CCDC88A: variants seen among roughly 807,000 people sequenced by gnomAD.
The protein encoded by CCDC88A is girdin.
CCDC88A carries 54 observed loss-of-function variants against 234.3 expected under a neutral mutation model. The observed-to-expected ratio is 0.23, with a 90% CI of 0.19 to 0.29. The LOEUF is 0.29. Ranked by LOEUF, CCDC88A falls within the 10% of genes least tolerant of loss-of-function variation. The pLI is 1.00. For missense variants in CCDC88A, 1,832 were observed against 2,123.4 expected, an observed-to-expected ratio of 0.86 and a Z score of 2.70; for synonymous variants, 753 against 737.8, an observed-to-expected ratio of 1.02 and a Z score of -0.33.
Position 55,336,539 on chromosome 2 carries a change from A to G in CCDC88A, c.1656+142T>C, listed in dbSNP as rs561689151. 24 of 528,930 alleles carry G rather than the reference A, an allele frequency of 4.5e-5. No homozygotes were observed. The East Asian group carries it at 8.2e-4, about 18-fold the overall frequency. The allele number at this position is 528,930 out of a possible 1,614,324, so 32.8% of individuals were successfully genotyped here. A position where few individuals can be genotyped will look rare whatever the true frequency, so the allele number is the denominator to read the frequency against. On this transcript the variant is annotated intron_variant, in intron 14 of 32. Transcript: ENST00000436346. ...GACACATAGGTTAGAAAATGAGGTA[A>G]AATTATAATTACTTTAAAATAAAAA...
Position 55,301,092 on chromosome 2 carries a change from G to A in CCDC88A, c.4744+114C>T. ...ATGGTAGAGGTAACTATGAGATGCA[G>A]GATAGAGAAAACATGCTTGCTGGCA... is the stretch of plus-strand genomic sequence containing the variant. On this transcript the variant is annotated intron_variant, in intron 28 of 32. Coordinates refer to ENST00000436346, the MANE Select transcript of CCDC88A (RefSeq NM_001365480.1). The A allele has an allele frequency of 4.5e-6, 3 of 668,396 alleles. No individual in the cohort carries two copies. The East Asian group carries it at 8.4e-5, about 19-fold the overall frequency. 41.4% of individuals were successfully genotyped at this position (668,396 alleles called of 1,614,324 possible).
intron 4 of CCDC88A, among the ~76,000 whole-genome samples, chr2:55,373,497 C>T (rs538060602): frequency 7.9e-5 from 12 of 152,224 alleles, no homozygotes; most frequent in African/African-American, 2.4e-4. Context: ...TTAATGGCTC[C>T]AAATTTTATA....
rs1242659961 is a variant in CCDC88A at position 55,418,845 on chromosome 2, C to T, written c.135G>A (p.Gly45=). 1 of 1,613,974 alleles carries T rather than the reference C, an allele frequency of 6.2e-7. No homozygotes were observed. The highest frequency in any genetic ancestry group is 8.5e-7 in the Non-Finnish European group (1 of 1,179,910). Residue 45 remains glycine, a synonymous_variant, in exon 2 of 33, where the codon GGG becomes GGA. Coordinates refer to ENST00000436346, the MANE Select transcript of CCDC88A (RefSeq NM_001365480.1). The part of the protein sequence containing the change: ...NLDEYVALVD[G]VFLNQVMLQI... ...GGAGCATGACCTGGTTCAAGAATAC[C>T]CCATCCACCAAAGCCACATATTCAT...
intron 7 of CCDC88A, chr2:55,356,029 G>A (rs927616298): frequency 4.9e-6 from 1 of 203,270 alleles, no homozygotes; most frequent in Non-Finnish European, 9.9e-6. Flanking sequence ...GGGTACACGT[G>A]CAGGGTATGC....
intron 32 of CCDC88A, 53 bp downstream of exon 32, chr2:55,291,623 T>G: frequency 1.3e-6 from 1 of 742,780 alleles, no homozygotes; most frequent in Non-Finnish European, 2.3e-6. Flanking sequence ...CTTAATTTGG[T>G]TAGTTTGTAT....
At chr2:55,322,923 G>A (rs957267154) in intron 17 of CCDC88A, 6 of 319,062 alleles carry the variant, frequency 1.9e-5, no homozygotes, top group East Asian at 5.1e-5. Flanking sequence ...AAATCCTATC[G>A]TTTGTCGTGC....
chr2:55,376,597 T>G (rs1199482822), intron 3 of CCDC88A, among the ~76,000 whole-genome samples: 1 of 152,160 alleles, frequency 6.6e-6, no homozygotes, highest in Non-Finnish European at 1.5e-5. Context: ...TTATATTAGC[T>G]CTTTAAAAAA....
At chr2:55,399,879 C>G (rs1678318492) in intron 2 of CCDC88A, 2 of 152,024 alleles carry the variant, frequency 1.3e-5, no homozygotes, top group African/African-American at 4.8e-5. Context: ...AAGAATGCAT[C>G]CTATATAAAG....
intron 7 of CCDC88A, 51 bp from the exon 8 acceptor site, chr2:55,355,802 A>C: frequency 7.1e-7 from 1 of 1,413,216 alleles, no homozygotes; most frequent in Non-Finnish European, 9.9e-7. Flanking sequence ...TAGCAAACTA[A>C]ACACATCAAC....
intron 2 of CCDC88A, among the ~76,000 whole-genome samples, chr2:55,410,000 C>A (rs1680217988): frequency 6.6e-6 from 1 of 152,122 alleles, no homozygotes; most frequent in African/African-American, 2.4e-5. Flanking sequence ...CTCAGCCTCC[C>A]AAAGTGCTGG....
At chr2:55,356,965 C>T (rs1670662479) in intron 7 of CCDC88A, among the ~76,000 whole-genome samples, 1 of 152,142 alleles carries the variant, frequency 6.6e-6, no homozygotes, top group South Asian at 2.1e-4. Flanking sequence ...ATTTCAAGTG[C>T]ACACAGTCAT....
rs1679358170 is a variant in CCDC88A, at chr2:55,290,316, T to G, written c.*884A>C. 2 of 152,134 alleles carry G rather than the reference T, an allele frequency of 1.3e-5. No homozygotes were observed. 9.4% of individuals were successfully genotyped at this position (152,134 alleles called of 1,614,324 possible). On this transcript the variant is annotated 3_prime_UTR_variant, in exon 33 of 33. Transcript: ENST00000436346. The stretch of plus-strand genomic sequence containing the variant: ...ATTATTTTTGCCATAAGAAAACTTC[T>G]TAAGCAACAGTCAGCTCTCAAGTTA...
intron 7 of CCDC88A, chr2:55,361,812 T>C (rs1671361713): frequency 6.6e-6 from 1 of 152,344 alleles, no homozygotes; most frequent in Non-Finnish European, 1.5e-5. Context: ...TTAACGGACT[T>C]AAAATAATTC....
In CCDC88A at chr2:55,419,503, G is replaced by T; in HGVS notation, c.-424C>A. The T allele has an allele frequency of 6.0e-6, 1 of 167,588 alleles. No individual in the cohort carries two copies. Among genetic ancestry groups the T allele is most frequent in the Non-Finnish European group, 1.3e-5 (1 of 77,474 alleles). The allele number at this position is 167,588 out of a possible 1,614,324, so 10.4% of individuals were successfully genotyped here. A position where few individuals can be genotyped will look rare whatever the true frequency, so the allele number is the denominator to read the frequency against. The stretch of plus-strand genomic sequence containing the variant: ...ATGAAATACGTTAAACAGAGACCAC[G>T]TTAAGGATACCGAGGCGCCACCAGA... On this transcript the variant is annotated 5_prime_UTR_variant, in exon 1 of 33. Transcript: ENST00000436346.
At chr2:55,375,501 ATATATATATATGTATG>A (rs1196428580) in intron 3 of CCDC88A, among the ~76,000 whole-genome samples, 7,025 of 24,500 alleles carry the variant, frequency 0.29, 396 homozygotes, top group Middle Eastern at 0.38. Context: ...ATATATATAT[ATATATATATATGTATG>A]TATGTATAAA....
intron 10 of CCDC88A, among the ~76,000 whole-genome samples, chr2:55,345,036 CAT>C (rs1668927718): frequency 6.6e-6 from 1 of 152,056 alleles, no homozygotes; most frequent in Non-Finnish European, 1.5e-5. Context: ...AAAGTCCCTG[CAT>C]ATGTTTTGAA....
chr2:55,349,623 T>C (rs1309133419), intron 8 of CCDC88A, 24 bp from the exon 9 acceptor site: 1 of 1,517,932 alleles, frequency 6.6e-7, no homozygotes, highest in Non-Finnish European at 9.1e-7. Context: ...ATATATTCAT[T>C]AAGTATACTA....
intron 7 of CCDC88A, chr2:55,361,944 A>G (rs975103122): frequency 1.2e-5 from 2 of 160,142 alleles, no homozygotes; most frequent in Non-Finnish European, 2.7e-5. Flanking sequence ...AAACTACGAA[A>G]TTAGCCTTAA....
intron 2 of CCDC88A, among the ~76,000 whole-genome samples, chr2:55,392,339 T>A (rs947298162): frequency 4.6e-5 from 7 of 152,308 alleles, no homozygotes; most frequent in African/African-American, 1.7e-4. Flanking sequence ...TTAGGATTAG[T>A]TTGTCATATT....
Sources: allele counts gnomAD v4.1 joint callset (sites outside exome capture counted in the v4.1 genomes callset), GRCh38; gene constraint gnomAD v4.1.1; transcripts MANE v1.5; gene names NCBI Gene and HGNC (gene_info 2026-07-23, HGNC 2026-07-21).